The following SCHIP1 variants were observed in gnomAD, a reference collection of about 807,000 sequenced individuals.
SCHIP1 encodes the protein schwannomin-interacting protein 1.
SCHIP1 carries 8 observed loss-of-function variants against 29.7 expected under a neutral mutation model. The ratio of observed to expected loss-of-function variants is 0.27; its 90% confidence interval spans 0.16 to 0.49. The LOEUF (loss-of-function observed/expected upper bound fraction) is 0.49, where lower values mean the gene tolerates loss of function less well. SCHIP1 is among the 20% of genes least tolerant of loss of function. The pLI, the probability that SCHIP1 is intolerant of heterozygous loss-of-function variation, is 0.99. For synonymous variants in SCHIP1, 76 were observed against 94.9 expected, an observed-to-expected ratio of 0.80 and a Z score of 1.16; for missense variants, 193 against 294.6, an observed-to-expected ratio of 0.66 and a Z score of 2.52.
chr3:159,806,725 C>T, the SCHIP1 span, among the ~76,000 whole-genome samples: 9 of 152,234 alleles, frequency 5.9e-5, no homozygotes, highest in African/African-American at 1.9e-4. Context: ...GGAGAAGCTG[C>T]GGGGCTTCCT....
chr3:159,663,980 C>T, the SCHIP1 span, among the ~76,000 whole-genome samples: 24 of 152,072 alleles, frequency 1.6e-4, no homozygotes, highest in Non-Finnish European at 2.1e-4. Flanking sequence ...ATCGCTAACT[C>T]GGTGTGAAAA....
Position 159,861,180 on chromosome 3 carries a change from A to G in SCHIP1, c.31-4983A>G, listed in dbSNP as rs1436191618. On this transcript the variant is annotated intron_variant, in intron 1 of 6. Coordinates refer to ENST00000445224, the Ensembl canonical transcript of SCHIP1. This position sits in a 1 kb window ranked among gnomAD's most constrained non-coding sequence, Gnocchi z 4.1. ...ATGCTGAAGGCTTCTTGCTTCAGAG[A>G]CACCACAATGCTGCTAGTAAGGTGG... Among the ~76,000 whole-genome samples the G allele has an allele frequency of 6.6e-6, 1 of 152,168 alleles. No individual in the cohort carries two copies. Among genetic ancestry groups the G allele is most frequent in the East Asian group, 1.9e-4 (1 of 5,194 alleles).
the SCHIP1 span, among the ~76,000 whole-genome samples, chr3:159,775,825 G>T: frequency 6.6e-6 from 1 of 152,164 alleles, no homozygotes; most frequent in Non-Finnish European, 1.5e-5. Context: ...AGAGAACTTT[G>T]CTTTCTGAAA....
chr3:159,856,645 G>A (rs1713403656), intron 1 of SCHIP1, among the ~76,000 whole-genome samples: 1 of 152,210 alleles, frequency 6.6e-6, no homozygotes, highest in African/African-American at 2.4e-5. Context: ...TGACAGCAGG[G>A]CGGTGAGTGG....
the SCHIP1 span, among the ~76,000 whole-genome samples, chr3:159,424,547 G>C: frequency 3.0e-4 from 45 of 152,308 alleles, no homozygotes; most frequent in South Asian, 3.5e-3. Context: ...TATGTGAAAA[G>C]ACCAAATCTA....
the SCHIP1 span, among the ~76,000 whole-genome samples, chr3:159,800,549 GA>G: frequency 6.6e-6 from 1 of 152,204 alleles, no homozygotes; most frequent in African/African-American, 2.4e-5. Context: ...TGGGTCTGAG[GA>G]ACAGTGACCT....
chr3:159,637,371 CCACACACACACACACA>C, the SCHIP1 span, among the ~76,000 whole-genome samples: 364 of 134,654 alleles, frequency 2.7e-3, 1 homozygote, highest in South Asian at 0.013. Context: ...CCGGCCCCAG[CCACACACACACACACA>C]CACACACACA....
the SCHIP1 span, among the ~76,000 whole-genome samples, chr3:159,581,070 AAC>A: frequency 6.6e-6 from 1 of 152,192 alleles, no homozygotes; most frequent in South Asian, 2.1e-4. Flanking sequence ...TTGGAAAATA[AAC>A]AGTGTTGATA....
chr3:159,405,017 C>T, the SCHIP1 span, among the ~76,000 whole-genome samples: 1 of 152,166 alleles, frequency 6.6e-6, no homozygotes, highest in Non-Finnish European at 1.5e-5. Flanking sequence ...GATTCCTCTA[C>T]ATCTTATCCA....
At chr3:159,412,015 C>T in the SCHIP1 span, among the ~76,000 whole-genome samples, 1 of 152,148 alleles carries the variant, frequency 6.6e-6, no homozygotes, top group Non-Finnish European at 1.5e-5. Flanking sequence ...GGTAACAATT[C>T]TGAAGTACTT....
At chr3:159,750,135 A>G in the SCHIP1 span, among the ~76,000 whole-genome samples, 47 of 151,770 alleles carry the variant, frequency 3.1e-4, no homozygotes, top group Non-Finnish European at 6.2e-4. Context: ...AACAGTATTG[A>G]CATCATATAC....
chr3:159,431,880 G>T, the SCHIP1 span, among the ~76,000 whole-genome samples: 1 of 152,006 alleles, frequency 6.6e-6, no homozygotes, highest in African/African-American at 2.4e-5. Context: ...TTATGTTTGG[G>T]CATTACTATT....
At chr3:159,871,667 C>T (rs1267998809) in intron 2 of SCHIP1, among the ~76,000 whole-genome samples, 1 of 152,166 alleles carries the variant, frequency 6.6e-6, no homozygotes, top group Non-Finnish European at 1.5e-5. Flanking sequence ...AGAAACCCTC[C>T]AACCTCATCT....
chr3:159,702,040 G>A, the SCHIP1 span, among the ~76,000 whole-genome samples: 469 of 152,270 alleles, frequency 3.1e-3, 3 homozygotes, highest in African/African-American at 0.011. Context: ...TGGGGTATAG[G>A]TTGGGGCATT....
At chr3:159,541,493 T>C in the SCHIP1 span, among the ~76,000 whole-genome samples, 1 of 152,010 alleles carries the variant, frequency 6.6e-6, no homozygotes, top group African/African-American at 2.4e-5. Context: ...TAAGATTTCA[T>C]AGATCCACTG....
chr3:159,653,881 T>G, the SCHIP1 span, among the ~76,000 whole-genome samples: 1 of 152,104 alleles, frequency 6.6e-6, no homozygotes, highest in Non-Finnish European at 1.5e-5. Context: ...TTTAAGGTGA[T>G]GGATATCCCA....
the SCHIP1 span, among the ~76,000 whole-genome samples, chr3:159,814,071 A>G: frequency 1.4e-3 from 217 of 152,194 alleles, no homozygotes; most frequent in Middle Eastern, 0.01. Flanking sequence ...GCTGCTGGTA[A>G]TGTTGGCAGC....
the SCHIP1 span, among the ~76,000 whole-genome samples, chr3:159,641,206 C>T: frequency 6.6e-6 from 1 of 152,066 alleles, no homozygotes; most frequent in African/African-American, 2.4e-5. Flanking sequence ...GGTTTATACT[C>T]CTCTATCTCA....
At chr3:159,771,765 A>G in the SCHIP1 span, among the ~76,000 whole-genome samples, 2 of 151,664 alleles carry the variant, frequency 1.3e-5, no homozygotes, top group East Asian at 1.9e-4. Context: ...AAAATATACC[A>G]TTAGTTCTGG....
Sources: allele counts gnomAD v4.1 joint callset (sites outside exome capture counted in the v4.1 genomes callset), GRCh38; gene constraint gnomAD v4.1.1; non-coding constraint Gnocchi (gnomAD v3.1); transcripts MANE v1.5; gene names NCBI Gene and HGNC (gene_info 2026-07-23, HGNC 2026-07-21).